The following KLF12 variants were observed in gnomAD, a reference collection of about 807,000 sequenced individuals.
KLF12 encodes Krueppel-like factor 12.
KLF12 carries 9 observed loss-of-function variants against 37.8 expected under a neutral mutation model. The observed-to-expected ratio is 0.24, with a 90% confidence interval of 0.14 to 0.42. The LOEUF (loss-of-function observed/expected upper bound fraction) is 0.42, where lower values mean the gene tolerates loss of function less well. Among genes scored for constraint, KLF12 ranks in the 10% least tolerant of loss-of-function variants. The probability of loss-of-function intolerance (pLI) is 1.00; values close to 1 mark genes in which losing one functional copy is unlikely to be tolerated. For missense variants in KLF12, 411 were observed against 516.0 expected, an observed-to-expected ratio of 0.80 and a Z score of 1.97; for synonymous variants, 208 against 202.1, an observed-to-expected ratio of 1.03 and a Z score of -0.25.
the KLF12 span, chr13:74,259,576 T>G: frequency 6.6e-6 from 1 of 152,264 alleles, no homozygotes; most frequent in Non-Finnish European, 1.5e-5. Flanking sequence ...TTGACTTGCA[T>G]GCCCCTCTTA....
chr13:73,798,044 C>A (rs1386426144), intron 5 of KLF12, among the ~76,000 whole-genome samples: 5 of 152,054 alleles, frequency 3.3e-5, no homozygotes, highest in South Asian at 2.1e-4. Context: ...ATGTATGAAA[C>A]CCCAAATTTG....
intron 1 of KLF12, among the ~76,000 whole-genome samples, chr13:74,069,765 C>A (rs1280387784): frequency 1.3e-5 from 2 of 152,092 alleles, no homozygotes; most frequent in Non-Finnish European, 2.9e-5. Flanking sequence ...GGTATATCAG[C>A]ATGACTTGGT....
At chr13:73,816,794 A>T (rs1883246372) in intron 4 of KLF12, among the ~76,000 whole-genome samples, 2 of 152,270 alleles carry the variant, frequency 1.3e-5, no homozygotes, top group South Asian at 4.1e-4. Context: ...TCTTTTTAGA[A>T]CCTAGTCAAC....
intron 3 of KLF12, among the ~76,000 whole-genome samples, chr13:73,925,452 T>C (rs775745663): frequency 4.4e-4 from 67 of 152,200 alleles, no homozygotes; most frequent in Admixed American, 1.0e-3. Context: ...TACGGAGTAT[T>C]TTAAGCTCAC....
intron 4 of KLF12, among the ~76,000 whole-genome samples, chr13:73,842,440 T>C (rs1884787577): frequency 6.6e-6 from 1 of 152,206 alleles, no homozygotes; most frequent in Admixed American, 6.5e-5. Context: ...AGAAACAACA[T>C]CTGCTTTGCC....
chr13:74,121,957 A>G (rs1307120949), intron 1 of KLF12, among the ~76,000 whole-genome samples: 1 of 152,082 alleles, frequency 6.6e-6, no homozygotes, highest in Non-Finnish European at 1.5e-5. Flanking sequence ...CTCTTATACC[A>G]TATACAACAA....
intron 3 of KLF12, among the ~76,000 whole-genome samples, chr13:73,934,638 G>A (rs952609521): frequency 5.3e-5 from 8 of 152,016 alleles, no homozygotes; most frequent in Non-Finnish European, 8.8e-5. Context: ...CCCCCTGGCT[G>A]CTTTTAAGAC....
chr13:74,249,115 G>A, the KLF12 span, among the ~76,000 whole-genome samples: 1 of 152,002 alleles, frequency 6.6e-6, no homozygotes, highest in African/African-American at 2.4e-5. Context: ...GACAATTGCT[G>A]TGTGATAATG....
rs181301107 is a variant in KLF12 at position 74,032,088 on chromosome 13, G to A, written c.-31-37035C>T. Among the ~76,000 whole-genome samples the A allele has an allele frequency of 2.1e-4, 32 of 152,164 alleles. 1 individual carries two copies. The highest frequency in any genetic ancestry group is 1.9e-3 in the South Asian group (9 of 4,824). ...ACAGAGGCCTCCTCACACTAATCAA[G>A]TTCATCATTTTTCACGTAAAAATCC... On this transcript the variant is annotated intron_variant, in intron 1 of 7. Transcript: ENST00000377669.
At position 73,692,956 on chromosome 13, in the gene KLF12, C is replaced by G. The variant is rs571057270; in HGVS notation, c.*2534G>C. The G allele has an allele frequency of 6.6e-6, 1 of 152,444 alleles. No homozygotes were observed. The highest frequency in any genetic ancestry group is 2.1e-4 in the South Asian group (1 of 4,830). The allele number at this position is 152,444 out of a possible 1,614,324, so 9.4% of individuals were successfully genotyped here. On this transcript the variant is annotated 3_prime_UTR_variant, in exon 8 of 8. Coordinates refer to ENST00000377669, the MANE Select transcript of KLF12 (RefSeq NM_007249.5). Reference sequence around the variant, plus strand: ...TTAGAAAAGTGCAACTCATCTAGTTCTGTGCTAAATTTAAACCAAGCTGTC... The same window carrying G: ...TTAGAAAAGTGCAACTCATCTAGTTGTGTGCTAAATTTAAACCAAGCTGTC...
At chr13:74,298,043 G>A in the KLF12 span, among the ~76,000 whole-genome samples, 2 of 152,156 alleles carry the variant, frequency 1.3e-5, no homozygotes, top group East Asian at 3.9e-4. Flanking sequence ...GTCTACAATC[G>A]CCTGTACGGT....
chr13:73,921,423 TATAA>T (rs1889111834), intron 3 of KLF12, among the ~76,000 whole-genome samples: 2 of 152,204 alleles, frequency 1.3e-5, no homozygotes, highest in Non-Finnish European at 2.9e-5. Flanking sequence ...AAGAAGAGGC[TATAA>T]ATACTTATGT....
chr13:74,044,785 C>T (rs761627215), intron 1 of KLF12, among the ~76,000 whole-genome samples: 30 of 150,700 alleles, frequency 2.0e-4, no homozygotes, highest in Non-Finnish European at 2.1e-4. Context: ...GCAGAGGTTG[C>T]GGTAAGCCAA....
chr13:74,116,368 A>G (rs968069159), intron 1 of KLF12, among the ~76,000 whole-genome samples: 2 of 152,196 alleles, frequency 1.3e-5, no homozygotes, highest in African/African-American at 4.8e-5. Context: ...TGAAGTTTCA[A>G]TTTCTTTAAA....
chr13:74,229,622 G>C, the KLF12 span, among the ~76,000 whole-genome samples: 1 of 152,186 alleles, frequency 6.6e-6, no homozygotes, highest in Non-Finnish European at 1.5e-5. Context: ...CACTTGGAAA[G>C]TTATCTAAAA....
rs544474475 is a variant in KLF12, at chr13:74,001,041, CAT to C, written c.-31-5990_-31-5989del. 2.4e-3 allele frequency among the ~76,000 whole-genome samples: 372 copies of C among 152,240 alleles called. 2 individuals carry two copies. The highest frequency in any genetic ancestry group is 4.1e-3 in the African/African-American group (172 of 41,538). ...GATTTAAATTGTAACAAAATATAAA[CAT>C]GTGCCATTTGGACATGCACGTAAGT... On this transcript the variant is annotated intron_variant, in intron 1 of 7. Coordinates refer to ENST00000377669, the MANE Select transcript of KLF12 (RefSeq NM_007249.5).
chr13:74,085,163 C>CA (rs970718395), intron 1 of KLF12, among the ~76,000 whole-genome samples: 10 of 151,394 alleles, frequency 6.6e-5, no homozygotes, highest in South Asian at 2.1e-4. Context: ...CCCACGTGAC[C>CA]AAAAAAAAGC....
At chr13:73,828,687 T>A (rs139906277) in intron 4 of KLF12, among the ~76,000 whole-genome samples, 4 of 152,292 alleles carry the variant, frequency 2.6e-5, no homozygotes, top group East Asian at 3.9e-4. Flanking sequence ...TTAAATCCCA[T>A]CTACTTCCAA....
At chr13:73,911,462 G>A (rs566410572) in intron 3 of KLF12, among the ~76,000 whole-genome samples, 1 of 152,308 alleles carries the variant, frequency 6.6e-6, no homozygotes, top group South Asian at 2.1e-4. Flanking sequence ...GATAATCTTT[G>A]AAGATGCTAT....
Sources: gnomAD v4.1 joint callset for allele counts (sites outside exome capture counted in the v4.1 genomes callset) on GRCh38, gnomAD v4.1.1 for gene constraint, MANE v1.5 for transcripts, NCBI Gene and HGNC (gene_info 2026-07-23, HGNC 2026-07-21) for gene names.